ANO2: variants seen among roughly 807,000 people sequenced by gnomAD.
ANO2 encodes anoctamin-2.
Under a neutral mutation model 124.2 loss-of-function variants are expected in ANO2, and 101 were observed. The observed-to-expected ratio is 0.81, with a 90% CI of 0.69 to 0.96. The LOEUF is 0.96. ANO2 is among the 40% of genes least tolerant of loss of function. The pLI is 0.00. For missense variants in ANO2, 1,293 were observed against 1,274.5 expected (o/e 1.01, Z -0.22); for synonymous variants, 486 against 482.5 (o/e 1.01, Z -0.09).
intron 1 of ANO2, among the ~76,000 whole-genome samples, chr12:5,935,602 A>G (rs1339043497): frequency 6.6e-6 from 1 of 152,194 alleles, no homozygotes; most frequent in African/African-American, 2.4e-5. Context: ...AAAGGACAAA[A>G]CTGGGAGAAA....
intron 3 of ANO2, among the ~76,000 whole-genome samples, chr12:5,864,880 T>A (rs1010116777): frequency 6.6e-6 from 1 of 152,170 alleles, no homozygotes; most frequent in Non-Finnish European, 1.5e-5. Context: ...CTTCCTGTCT[T>A]TCATTTATTT....
intron 19 of ANO2, among the ~76,000 whole-genome samples, chr12:5,600,834 T>C (rs1254862868): frequency 6.6e-6 from 1 of 152,198 alleles, no homozygotes; most frequent in Non-Finnish European, 1.5e-5. Context: ...AACCTCCCCA[T>C]GTCCCCCAAC....
chr12:5,762,739 G>C (rs1951775767), intron 10 of ANO2, among the ~76,000 whole-genome samples: 1 of 151,934 alleles, frequency 6.6e-6, no homozygotes, highest in African/African-American at 2.4e-5. Context: ...ATTAAAATGA[G>C]CCTTAATATC....
At chr12:5,731,378 C>T (rs1950627895) in intron 14 of ANO2, among the ~76,000 whole-genome samples, 1 of 151,630 alleles carries the variant, frequency 6.6e-6, no homozygotes, top group East Asian at 1.9e-4. Context: ...AAAAAAAATG[C>T]CAGCATTTTG....
chr12:5,730,060 A>G (rs1464223211), intron 14 of ANO2, among the ~76,000 whole-genome samples: 1 of 152,246 alleles, frequency 6.6e-6, no homozygotes, highest in African/African-American at 2.4e-5. Flanking sequence ...AATTGTGTAG[A>G]TAATTGCACA....
chr12:5,677,520 C>T (rs763585556), intron 14 of ANO2, among the ~76,000 whole-genome samples: 3 of 152,098 alleles, frequency 2.0e-5, no homozygotes, highest in African/African-American at 4.8e-5. Context: ...GTTCTGATTC[C>T]GCTGAGACCT....
chr12:5,758,468 A>G (rs1951644841), intron 10 of ANO2, among the ~76,000 whole-genome samples: 1 of 152,184 alleles, frequency 6.6e-6, no homozygotes, highest in Admixed American at 6.5e-5. Flanking sequence ...AGCTCCATTT[A>G]TCACTGAGCA....
intron 14 of ANO2, among the ~76,000 whole-genome samples, chr12:5,682,387 C>G (rs183993351): frequency 6.6e-6 from 1 of 152,184 alleles, no homozygotes; most frequent in Admixed American, 6.5e-5. Context: ...TACTCCTCCA[C>G]CCCAGCTCTC....
In ANO2 at chr12:5,925,126, C is replaced by T. The variant is rs900803119; in HGVS notation, c.23-2322G>A. ...CCTCTAGATGCATGTCTAAAAAGCCCAAGACCACTGGATACATCACTGGGG... is the reference window on the plus strand; with the variant it reads ...CCTCTAGATGCATGTCTAAAAAGCCTAAGACCACTGGATACATCACTGGGG... On this transcript the variant is annotated intron_variant, in intron 1 of 24. Coordinates refer to ENST00000682330, the MANE Select transcript of ANO2 (RefSeq NM_001364791.2). The surrounding 1 kb of genome is among the most constrained non-coding windows in gnomAD (Gnocchi z 4.6). 6.6e-6 allele frequency among the ~76,000 whole-genome samples: 1 copy of T among 152,108 alleles called. No individual in the cohort carries two copies. Among genetic ancestry groups the T allele is most frequent in the Non-Finnish European group, 1.5e-5 (1 of 68,032 alleles).
rs34935879 is a variant in ANO2 at position 5,759,152 on chromosome 12, C to CAA, written c.1056-8184_1056-8183dup. 4.0e-3 allele frequency among the ~76,000 whole-genome samples: 548 copies of CAA among 136,974 alleles called. 2 individuals carry two copies. Among genetic ancestry groups the CAA allele is most frequent in the South Asian group, 0.02 (89 of 4,406 alleles). The allele number at this position is 136,974 out of a possible 152,430, so 89.9% of individuals were successfully genotyped here. On this transcript the variant is annotated intron_variant, in intron 10 of 24. Coordinates refer to ENST00000682330, the MANE Select transcript of ANO2 (RefSeq NM_001364791.2). ...ATGGCTAAGAATTTTCCAAAAGTTA[C>CAA]AAAAAAAAAAAAAACAACAAAACAC...
At chr12:5,607,586 G>A (rs575377120) in intron 19 of ANO2, among the ~76,000 whole-genome samples, 24 of 152,186 alleles carry the variant, frequency 1.6e-4, no homozygotes, top group African/African-American at 5.1e-4. Context: ...GTTAAGAACC[G>A]GGCCACACAG....
At chr12:5,819,173 T>C (rs551416827) in intron 7 of ANO2, among the ~76,000 whole-genome samples, 1 of 152,134 alleles carries the variant, frequency 6.6e-6, no homozygotes. Flanking sequence ...GGCAAAATAA[T>C]GTTGATTCTC....
At chr12:5,850,438 G>GAAAGA (rs1954848757) in intron 4 of ANO2, among the ~76,000 whole-genome samples, 1 of 145,100 alleles carries the variant, frequency 6.9e-6, no homozygotes, top group Non-Finnish European at 1.5e-5. Flanking sequence ...AAAAAAGAAA[G>GAAAGA]AAAGAAAAGG....
intron 10 of ANO2, among the ~76,000 whole-genome samples, chr12:5,793,263 T>C (rs1952750678): frequency 6.6e-6 from 1 of 151,958 alleles, no homozygotes. Context: ...AAACAAACTG[T>C]CCCAGAGATA....
chr12:5,653,529 A>G (rs1447607117), intron 14 of ANO2, among the ~76,000 whole-genome samples: 1 of 152,228 alleles, frequency 6.6e-6, no homozygotes, highest in Non-Finnish European at 1.5e-5. Flanking sequence ...CTGAGCACTC[A>G]ATGAGTATAC....
intron 16 of ANO2, among the ~76,000 whole-genome samples, chr12:5,626,765 A>G (rs1235243995): frequency 1.3e-5 from 2 of 152,198 alleles, no homozygotes; most frequent in Non-Finnish European, 2.9e-5. Context: ...CAAGAGCTGC[A>G]GTTATGAAGA....
chr12:5,863,097 C>G (rs933851845), intron 3 of ANO2, among the ~76,000 whole-genome samples: 1 of 152,202 alleles, frequency 6.6e-6, no homozygotes, highest in African/African-American at 2.4e-5. Context: ...TTCCCACCCA[C>G]GTGGAACTGT....
intron 10 of ANO2, among the ~76,000 whole-genome samples, chr12:5,768,683 G>A (rs1951973876): frequency 6.6e-6 from 1 of 152,118 alleles, no homozygotes; most frequent in Admixed American, 6.5e-5. Context: ...GCCACCGAGG[G>A]ACTGACCCAT....
chr12:5,758,185 A>G (rs1289762716), intron 10 of ANO2, among the ~76,000 whole-genome samples: 7 of 152,194 alleles, frequency 4.6e-5, no homozygotes, highest in Admixed American at 1.3e-4. Flanking sequence ...TACTTGGTGG[A>G]AAGGGTGGAA....
Sources: allele counts gnomAD v4.1 joint callset (sites outside exome capture counted in the v4.1 genomes callset), GRCh38; gene constraint gnomAD v4.1.1; non-coding constraint Gnocchi (gnomAD v3.1); transcripts MANE v1.5; gene names NCBI Gene and HGNC (gene_info 2026-07-23, HGNC 2026-07-21).